The following KAZN variants were observed in gnomAD, a reference collection of about 807,000 sequenced individuals.
KAZN encodes the protein kazrin.
A neutral mutation model predicts 87.4 loss-of-function variants in KAZN; 40 were observed. The ratio of observed to expected loss-of-function variants is 0.46; its 90% CI spans 0.36 to 0.60. The LOEUF is 0.60. Ranked by LOEUF, KAZN falls within the 20% of genes least tolerant of loss-of-function variation. The pLI is 0.00. For missense variants in KAZN, 898 were observed against 1,073.9 expected (o/e 0.84, Z 2.29); for synonymous variants, 466 against 458.3 (o/e 1.02, Z -0.22).
rs180800855 is a variant in KAZN, at chr1:14,427,009, T to G, written c.250-171974T>G. On this transcript the variant is annotated intron_variant, in intron 2 of 16. Transcript: ENST00000636203. ...GGAGATGCATGGTGAGCAAACAGAC[T>G]TGACGCTTCCTGTTATGGGGAAGAC... Among the ~76,000 whole-genome samples, 324 of 152,346 alleles carry G rather than the reference T, an allele frequency of 2.1e-3. 1 individual carries two copies. The highest frequency in any genetic ancestry group is 6.8e-3 in the Middle Eastern group (2 of 294).
intron 1 of KAZN, among the ~76,000 whole-genome samples, chr1:13,927,642 A>G (rs1350798592): frequency 6.6e-6 from 1 of 152,164 alleles, no homozygotes; most frequent in Non-Finnish European, 1.5e-5. Context: ...TGAGCCAGGC[A>G]TGTTTTTAGG....
intron 2 of KAZN, among the ~76,000 whole-genome samples, chr1:14,411,599 T>C (rs908102813): frequency 6.6e-6 from 1 of 152,230 alleles, no homozygotes; most frequent in Non-Finnish European, 1.5e-5. Context: ...CGCGCTCCCC[T>C]GGCAAGACTA....
At chr1:14,902,840 A>T (rs1656086359) in intron 1 of KAZN, among the ~76,000 whole-genome samples, 2 of 151,524 alleles carry the variant, frequency 1.3e-5, no homozygotes, top group East Asian at 3.9e-4. Flanking sequence ...GACACATAGT[A>T]TAAATAATCT....
At chr1:14,791,304 G>A (rs1241746373) in intron 1 of KAZN, among the ~76,000 whole-genome samples, 1 of 152,190 alleles carries the variant, frequency 6.6e-6, no homozygotes, top group Non-Finnish European at 1.5e-5. Context: ...AGTGGCTTTG[G>A]AGGAGGGCTG....
At chr1:15,092,067 T>TG (rs1640565042) in intron 8 of KAZN, among the ~76,000 whole-genome samples, 2 of 149,890 alleles carry the variant, frequency 1.3e-5, no homozygotes, top group African/African-American at 5.0e-5. Flanking sequence ...TTTGTTTTTT[T>TG]TTTTGATTTT....
At chr1:14,669,782 C>A (rs537631757) in intron 1 of KAZN, among the ~76,000 whole-genome samples, 1 of 152,178 alleles carries the variant, frequency 6.6e-6, no homozygotes, top group East Asian at 1.9e-4. Flanking sequence ...ATAATAAAAC[C>A]GAGGCCCTGT....
chr1:14,399,828 C>T (rs887953411), intron 2 of KAZN, among the ~76,000 whole-genome samples: 5 of 152,128 alleles, frequency 3.3e-5, no homozygotes, highest in Admixed American at 2.6e-4. Flanking sequence ...CTCTTCCCTC[C>T]CCATACCCTT....
At chr1:14,804,691 G>T (rs924133094) in intron 1 of KAZN, among the ~76,000 whole-genome samples, 2 of 152,196 alleles carry the variant, frequency 1.3e-5, no homozygotes, top group Non-Finnish European at 2.9e-5. Flanking sequence ...GACACATCAG[G>T]CTCTTTGGTT....
chr1:14,855,926 TAC>T (rs1282386519), intron 1 of KAZN, among the ~76,000 whole-genome samples: 1 of 152,232 alleles, frequency 6.6e-6, no homozygotes, highest in Non-Finnish European at 1.5e-5. Context: ...AGCGGCTGCT[TAC>T]AGAGCTACTG....
intron 1 of KAZN, among the ~76,000 whole-genome samples, chr1:14,872,341 G>A (rs1652236119): frequency 6.6e-6 from 1 of 152,212 alleles, no homozygotes; most frequent in Non-Finnish European, 1.5e-5. Context: ...TGGATATTAA[G>A]CAATTAACAT....
chr1:14,738,700 G>A (rs1014227676), intron 1 of KAZN, among the ~76,000 whole-genome samples: 17 of 152,180 alleles, frequency 1.1e-4, no homozygotes, highest in African/African-American at 3.4e-4. Flanking sequence ...GGTCCTTCAC[G>A]TATGAAGGCT....
At chr1:14,167,448 C>T (rs560492350) in intron 1 of KAZN, among the ~76,000 whole-genome samples, 37 of 152,262 alleles carry the variant, frequency 2.4e-4, no homozygotes, top group African/African-American at 8.9e-4. Context: ...GGAGGCAGGG[C>T]ATGGTGGCTC....
intron 1 of KAZN, among the ~76,000 whole-genome samples, chr1:13,898,384 T>G (rs906979410): frequency 9.8e-5 from 15 of 152,336 alleles, no homozygotes; most frequent in African/African-American, 3.6e-4. Flanking sequence ...CCATAGCTGG[T>G]GGGGACTTCA....
At chr1:14,682,125 A>G (rs865934879) in intron 1 of KAZN, among the ~76,000 whole-genome samples, 13 of 151,740 alleles carry the variant, frequency 8.6e-5, no homozygotes, top group Admixed American at 4.6e-4. Flanking sequence ...CTAACTCTCC[A>G]TTCCCCCTTC....
intron 1 of KAZN, among the ~76,000 whole-genome samples, chr1:14,809,764 C>T (rs974513130): frequency 3.3e-5 from 5 of 152,140 alleles, no homozygotes; most frequent in African/African-American, 9.7e-5. Flanking sequence ...TGCTGCATGC[C>T]TGTAGACCCG....
At chr1:14,703,490 T>TC (rs1271153117) in intron 1 of KAZN, among the ~76,000 whole-genome samples, 1 of 152,220 alleles carries the variant, frequency 6.6e-6, no homozygotes, top group Non-Finnish European at 1.5e-5. Context: ...CATGTTTGCT[T>TC]CCCCTTCTGC....
chr1:14,510,387 A>C (rs1290309448), intron 2 of KAZN, among the ~76,000 whole-genome samples: 5 of 151,840 alleles, frequency 3.3e-5, no homozygotes, highest in African/African-American at 9.7e-5. Flanking sequence ...TCAAAAAAAA[A>C]AAACAAACAG....
chr1:14,916,201 G>A (rs1216775524), intron 1 of KAZN, among the ~76,000 whole-genome samples: 4 of 107,688 alleles, frequency 3.7e-5, no homozygotes, highest in Admixed American at 1.4e-4. Context: ...ACAGAGTCTC[G>A]CTTTGTCACC....
chr1:15,040,427 A>G lies in KAZN; in HGVS notation c.556-3562A>G, dbSNP rs10927649. On this transcript the variant is annotated intron_variant, in intron 3 of 14. Transcript: ENST00000376030. ...GAGCTACTGGGAGTCGGGGGATGGC[A>G]CAGGAACAAGGCTGCTGAGAAAGGA... Among the ~76,000 whole-genome samples the G allele has an allele frequency of 2.6e-5, 4 of 152,008 alleles. No individual in the cohort carries two copies. In the East Asian group the frequency reaches 7.7e-4, roughly 29 times the overall value.
Sources: allele counts gnomAD v4.1 joint callset (sites outside exome capture counted in the v4.1 genomes callset), GRCh38; gene constraint gnomAD v4.1.1; transcripts MANE v1.5; gene names NCBI Gene and HGNC (gene_info 2026-07-23, HGNC 2026-07-21).